IQSEC1: variants seen among roughly 807,000 people sequenced by gnomAD.
IQSEC1 encodes the protein IQ motif and Sec7 domain ArfGEF 1, also known as IQ motif and SEC7 domain-containing protein 1.
Under a neutral mutation model 91.0 loss-of-function variants are expected in IQSEC1, and 31 were observed. The observed-to-expected ratio is 0.34, with a 90% CI of 0.26 to 0.46. The LOEUF is 0.46. IQSEC1 is among the 20% of genes least tolerant of loss of function. The pLI is 1.00. For synonymous variants in IQSEC1, 699 were observed against 662.6 expected, an observed-to-expected ratio of 1.05 and a Z score of -0.84; for missense variants, 1,388 against 1,575.6, an observed-to-expected ratio of 0.88 and a Z score of 2.02.
At chr3:13,179,775 C>T (rs1380535730) in intron 1 of IQSEC1, among the ~76,000 whole-genome samples, 6 of 152,322 alleles carry the variant, frequency 3.9e-5, no homozygotes, top group East Asian at 1.9e-4. Flanking sequence ...GGGCGGGAAC[C>T]GGGGCTATGC....
chr3:13,027,197 G>A (rs1164476459), intron 1 of IQSEC1, among the ~76,000 whole-genome samples: 1 of 152,194 alleles, frequency 6.6e-6, no homozygotes, highest in African/African-American at 2.4e-5. Flanking sequence ...CCAGGGTGCT[G>A]AGAGCGTTGG....
chr3:12,988,744 G>A (rs373955280), intron 1 of IQSEC1, among the ~76,000 whole-genome samples: 1 of 152,164 alleles, frequency 6.6e-6, no homozygotes, highest in African/African-American at 2.4e-5. Context: ...GTGGTCACAC[G>A]CATGTTCTTA....
intron 1 of IQSEC1, among the ~76,000 whole-genome samples, chr3:13,029,503 G>C (rs949702047): frequency 3.9e-5 from 6 of 152,170 alleles, no homozygotes; most frequent in African/African-American, 1.2e-4. Context: ...AATCCTTTTT[G>C]TTGCAGGCTG....
intron 1 of IQSEC1, among the ~76,000 whole-genome samples, chr3:13,204,347 G>A (rs1169282034): frequency 6.6e-6 from 1 of 152,284 alleles, no homozygotes; most frequent in Non-Finnish European, 1.5e-5. Flanking sequence ...CAAGAGAGAC[G>A]GAGAAACGGA....
intron 1 of IQSEC1, among the ~76,000 whole-genome samples, chr3:13,013,432 A>C (rs1702980231): frequency 1.3e-5 from 2 of 152,224 alleles, no homozygotes; most frequent in African/African-American, 2.4e-5. Context: ...TCACCCTTGC[A>C]TGCAGGTCAG....
intron 1 of IQSEC1, chr3:13,052,934 C>T: frequency 2.1e-6 from 2 of 951,772 alleles, no homozygotes; most frequent in Non-Finnish European, 3.4e-6. Flanking sequence ...CTTGAGACAG[C>T]ATCAATATGT....
At chr3:13,087,402 G>A (rs76162980) in intron 2 of IQSEC1, among the ~76,000 whole-genome samples, 10,164 of 152,270 alleles carry the variant, frequency 0.067, 423 homozygotes, top group Middle Eastern at 0.19. Context: ...GAGCCCCAGA[G>A]TGTGTGCAGG....
chr3:13,140,445 T>C (rs779801103), intron 2 of IQSEC1, among the ~76,000 whole-genome samples: 4 of 152,174 alleles, frequency 2.6e-5, no homozygotes, highest in East Asian at 1.9e-4. Context: ...GAAAGTGAAT[T>C]TGAGGCTCCC....
chr3:13,185,921 C>T (rs1214367787), intron 1 of IQSEC1, among the ~76,000 whole-genome samples: 1 of 152,234 alleles, frequency 6.6e-6, no homozygotes, highest in African/African-American at 2.4e-5. Context: ...CTGCAGGGCA[C>T]CTGCCCAAGG....
At chr3:13,229,410 A>G (rs1427555699) in intron 1 of IQSEC1, among the ~76,000 whole-genome samples, 1 of 152,180 alleles carries the variant, frequency 6.6e-6, no homozygotes, top group African/African-American at 2.4e-5. Context: ...GGAAGCCCTC[A>G]TCTTAGCTGT....
chr3:13,156,418 C>A (rs1297076821), intron 2 of IQSEC1, among the ~76,000 whole-genome samples: 2 of 152,162 alleles, frequency 1.3e-5, no homozygotes, highest in Non-Finnish European at 2.9e-5. Context: ...TCATTTTTGT[C>A]ATTTGGGCTC....
At chr3:13,184,632 C>T (rs1693900617) in intron 1 of IQSEC1, among the ~76,000 whole-genome samples, 4 of 152,156 alleles carry the variant, frequency 2.6e-5, no homozygotes, top group Non-Finnish European at 4.4e-5. Flanking sequence ...AAAAGCCATA[C>T]AGATTGGAAA....
At chr3:13,064,537 A>G (rs1705172970) in intron 1 of IQSEC1, among the ~76,000 whole-genome samples, 1 of 152,242 alleles carries the variant, frequency 6.6e-6, no homozygotes, top group Admixed American at 6.5e-5. Flanking sequence ...ACAAACCCAG[A>G]TGGATGCTGG....
chr3:13,146,277 G>A (rs768717096), intron 2 of IQSEC1, among the ~76,000 whole-genome samples: 9 of 151,980 alleles, frequency 5.9e-5, no homozygotes, highest in Non-Finnish European at 1.0e-4. Flanking sequence ...GTGAGCCACC[G>A]CGTCTGGCCA....
At chr3:12,975,682 G>A (rs188466666) in intron 1 of IQSEC1, among the ~76,000 whole-genome samples, 181 of 152,298 alleles carry the variant, frequency 1.2e-3, no homozygotes, top group Non-Finnish European at 2.0e-3. Context: ...ATGACAGGTT[G>A]TCTCATTTAA....
chr3:13,047,508 G>C, intron 1 of IQSEC1: 1 of 985,328 alleles, frequency 1.0e-6, no homozygotes, highest in Non-Finnish European at 1.2e-6. Flanking sequence ...GCTGCTTCCG[G>C]TGTCCAGGGA....
chr3:12,928,457 C>G (rs1211005877), intron 3 of IQSEC1, among the ~76,000 whole-genome samples: 5 of 152,164 alleles, frequency 3.3e-5, no homozygotes, highest in African/African-American at 1.2e-4. Flanking sequence ...GCTGGACAGC[C>G]AGGGCCGGCT....
At chr3:12,913,328 C>T in intron 9 of IQSEC1, 100 bp downstream of exon 9, 2 of 1,327,430 alleles carry the variant, frequency 1.5e-6, no homozygotes, top group South Asian at 1.3e-5. Flanking sequence ...CTTTTGCACC[C>T]CCACATGCAT....
chr3:13,274,731 G>C (rs983278485), intron 1 of IQSEC1, among the ~76,000 whole-genome samples: 1 of 152,072 alleles, frequency 6.6e-6, no homozygotes, highest in African/African-American at 2.4e-5. Context: ...ACTGGCTGCT[G>C]GGTGTGCTGC....
Sources: gnomAD v4.1 joint callset for allele counts (sites outside exome capture counted in the v4.1 genomes callset) on GRCh38, gnomAD v4.1.1 for gene constraint, MANE v1.5 for transcripts, NCBI Gene and HGNC (gene_info 2026-07-23, HGNC 2026-07-21) for gene names.